Variants in CDNF observed in about 807,000 individuals in gnomAD.
CDNF encodes cerebral dopamine neurotrophic factor, also known as ARMET-like protein 1.
A neutral mutation model predicts 14.8 loss-of-function variants in CDNF; 9 were observed. That is an observed-to-expected ratio of 0.61 (90% CI 0.37 to 1.06). The LOEUF (loss-of-function observed/expected upper bound fraction) is 1.06, where lower values mean the gene tolerates loss of function less well. CDNF is among the 50% of genes least tolerant of loss of function. The probability of loss-of-function intolerance (pLI) is 0.01; values close to 1 mark genes in which losing one functional copy is unlikely to be tolerated. For missense variants in CDNF, 228 were observed against 228.4 expected (o/e 1.00, Z 0.01); for synonymous variants, 86 against 87.2 (o/e 0.99, Z 0.07).
At chr10:14,826,029 G>GAAGAAGA (rs1833779022) in intron 2 of CDNF, among the ~76,000 whole-genome samples, 1 of 86,114 alleles carries the variant, frequency 1.2e-5, no homozygotes, top group African/African-American at 5.2e-5. Context: ...GAAGAAGAAG[G>GAAGAAGA]AGAAGAAGAA....
chr10:14,835,405 T>C (rs1011907802), intron 1 of CDNF, among the ~76,000 whole-genome samples: 1 of 152,134 alleles, frequency 6.6e-6, no homozygotes, highest in South Asian at 2.1e-4. Flanking sequence ...AGCAGTATCA[T>C]GACCATGAAG....
intron 1 of CDNF, among the ~76,000 whole-genome samples, chr10:14,828,772 G>A (rs1235761838): frequency 1.3e-5 from 2 of 152,038 alleles, no homozygotes; most frequent in African/African-American, 4.8e-5. Flanking sequence ...TTGGGAGGCA[G>A]AAGCAGAAAG....
chr10:14,821,940 C>T (rs1298556764), intron 3 of CDNF, among the ~76,000 whole-genome samples: 4 of 152,262 alleles, frequency 2.6e-5, no homozygotes, highest in East Asian at 1.9e-4. Flanking sequence ...GATGTATCTT[C>T]GGCAAAGCAA....
intron 1 of CDNF, chr10:14,834,125 G>A (rs976726026): frequency 2.0e-5 from 3 of 152,148 alleles, no homozygotes. Context: ...CGGATCGCTT[G>A]AGCTCAGGGG....
intron 3 of CDNF, among the ~76,000 whole-genome samples, chr10:14,824,627 A>G (rs1833764496): frequency 6.7e-6 from 1 of 150,254 alleles, no homozygotes; most frequent in Admixed American, 6.7e-5. Flanking sequence ...AAAAAAAAAA[A>G]GGACATCTCC....
At chr10:14,832,632 G>A (rs986318455) in intron 1 of CDNF, among the ~76,000 whole-genome samples, 1 of 152,184 alleles carries the variant, frequency 6.6e-6, no homozygotes, top group Non-Finnish European at 1.5e-5. Flanking sequence ...GTCATGAGAA[G>A]TGGTTACACT....
rs376250440 is a variant in CDNF, at chr10:14,828,149, C to T, written c.239G>A (p.Arg80His). The change falls in exon 2 of 4, where the codon CGC (arginine) becomes CAC (histidine). Residue 80 changes from arginine to histidine, a missense_variant. Coordinates refer to ENST00000465530, the MANE Select transcript of CDNF (RefSeq NM_001029954.3). ...GAAAGGTGAAATTTACTATACCAGGCGGTTTTCTTTTCCTTTGGTGTCCAA... is the reference window on the plus strand; with the variant it reads ...GAAAGGTGAAATTTACTATACCAGGTGGTTTTCTTTTCCTTTGGTGTCCAA... ...FCLDTKGKENRLCYYLGATKD... is the reference protein window; with the variant it reads ...FCLDTKGKENHLCYYLGATKD... 1.7e-5 allele frequency: 28 copies of T among 1,613,480 alleles called. No homozygotes were observed. Among genetic ancestry groups the T allele is most frequent in the South Asian group, 1.3e-4 (12 of 91,034 alleles).
Position 14,826,029 on chromosome 10 carries a change from G to GAGAAGGAGAAGAAGAAGAAGAAGA in CDNF, c.244-410_244-409insTCTTCTTCTTCTTCTTCTCCTTCT, listed in dbSNP as rs1554764000. 1.2e-4 allele frequency among the ~76,000 whole-genome samples: 10 copies of GAGAAGGAGAAGAAGAAGAAGAAGA among 86,114 alleles called. 1 individual carries two copies. The highest frequency in any genetic ancestry group is 4.7e-4 in the African/African-American group (9 of 19,202). 56.5% of individuals were successfully genotyped at this position (86,114 alleles called of 152,430 possible). A position where few individuals can be genotyped will look rare whatever the true frequency, so the allele number is the denominator to read the frequency against. On this transcript the variant is annotated intron_variant, in intron 2 of 3. Coordinates refer to ENST00000465530, the MANE Select transcript of CDNF (RefSeq NM_001029954.3). ...GAAGCAGAAGCAGAAGAAGAAGAAG[G>GAGAAGGAGAAGAAGAAGAAGAAGA]AGAAGAAGAAGAAGAAGAAGAAGAA...
intron 1 of CDNF, among the ~76,000 whole-genome samples, chr10:14,835,031 G>A (rs1023339556): frequency 6.6e-4 from 101 of 152,146 alleles, no homozygotes; most frequent in African/African-American, 2.1e-3. Flanking sequence ...TAGGCTAGGT[G>A]ACCAGGTAGT....
intron 1 of CDNF, among the ~76,000 whole-genome samples, chr10:14,830,044 A>G (rs2131626433): frequency 6.6e-6 from 1 of 152,256 alleles, no homozygotes; most frequent in East Asian, 1.9e-4. Context: ...ATTTGTGAAG[A>G]TTGTTTGAAG....
At chr10:14,822,918 A>G (rs553268822) in intron 3 of CDNF, among the ~76,000 whole-genome samples, 3 of 152,364 alleles carry the variant, frequency 2.0e-5, no homozygotes, top group African/African-American at 7.2e-5. Context: ...CTTTTTAAAC[A>G]CAAAGCAAGC....
At chr10:14,833,137 G>A (rs890936076) in intron 1 of CDNF, among the ~76,000 whole-genome samples, 3 of 152,074 alleles carry the variant, frequency 2.0e-5, no homozygotes, top group Non-Finnish European at 2.9e-5. Context: ...TGGATTACAG[G>A]CATGAGCCAC....
intron 1 of CDNF, among the ~76,000 whole-genome samples, chr10:14,829,259 T>G (rs887348184): frequency 4.6e-5 from 7 of 152,198 alleles, no homozygotes; most frequent in African/African-American, 1.2e-4. Context: ...TGAATAAGAA[T>G]CCTGAATGAA....
intron 1 of CDNF, among the ~76,000 whole-genome samples, chr10:14,833,973 T>G (rs1715031869): frequency 6.6e-6 from 1 of 152,230 alleles, no homozygotes; most frequent in South Asian, 2.1e-4. Flanking sequence ...TGTATTTTGC[T>G]GAGTTTAATT....
intron 1 of CDNF, among the ~76,000 whole-genome samples, chr10:14,829,723 T>G (rs1335914421): frequency 6.6e-6 from 1 of 151,876 alleles, no homozygotes; most frequent in Non-Finnish European, 1.5e-5. Context: ...TCTGCCTCCC[T>G]GGCTCAAGTG....
chr10:14,824,660 T>A (rs1833764792), intron 3 of CDNF, among the ~76,000 whole-genome samples: 1 of 151,946 alleles, frequency 6.6e-6, no homozygotes, highest in African/African-American at 2.4e-5. Flanking sequence ...CTGTTTGTTT[T>A]GGGCACCCTC....
chr10:14,837,948 C>A lies in CDNF; in HGVS notation c.-2G>T. 6.3e-7 allele frequency: 1 copy of A among 1,586,660 alleles called. No individual in the cohort carries two copies. Among genetic ancestry groups the A allele is most frequent in the Admixed American group, 1.8e-5 (1 of 56,850 alleles). ...AGCAACTGGGCTCGCGCACCACATG[C>A]TGGGCCAGCAGCTTCAATCGCCTCC... is the stretch of plus-strand genomic sequence containing the variant. On this transcript the variant is annotated 5_prime_UTR_variant, in exon 1 of 4. Coordinates refer to ENST00000465530, the MANE Select transcript of CDNF (RefSeq NM_001029954.3).
chr10:14,824,598 T>C (rs12244811), intron 3 of CDNF, among the ~76,000 whole-genome samples: 21,352 of 139,532 alleles, frequency 0.15, 3,688 homozygotes, highest in African/African-American at 0.44. Context: ...AGAGCGAGAC[T>C]TCCCCTCAAA....
intron 2 of CDNF, among the ~76,000 whole-genome samples, chr10:14,826,128 C>CAGAAGCAGGAGA (rs1443843225): frequency 5.7e-5 from 7 of 123,862 alleles, no homozygotes; most frequent in African/African-American, 1.3e-4. Flanking sequence ...GCAGCAGAAG[C>CAGAAGCAGGAGA]AGGAGAAGGA....
Sources: gnomAD v4.1 joint callset for allele counts (sites outside exome capture counted in the v4.1 genomes callset) on GRCh38, gnomAD v4.1.1 for gene constraint, MANE v1.5 for transcripts, NCBI Gene and HGNC (gene_info 2026-07-23, HGNC 2026-07-21) for gene names.